LARGE1: variants seen among roughly 807,000 people sequenced by gnomAD.
The protein encoded by LARGE1 is xylosyl- and glucuronyltransferase LARGE1.
In LARGE1, 43 loss-of-function variants were observed where a neutral mutation model predicts 87.6. The observed-to-expected ratio is 0.49, with a 90% CI of 0.38 to 0.63. The LOEUF is 0.63. LARGE1 is among the 30% of genes least tolerant of loss of function. The pLI is 0.00. For synonymous variants in LARGE1, 434 were observed against 394.6 expected (o/e 1.10, Z -1.18); for missense variants, 802 against 1,000.2 (o/e 0.80, Z 2.67).
At chr22:33,299,434 T>C (rs1933843405) in intron 12 of LARGE1, among the ~76,000 whole-genome samples, 1 of 152,168 alleles carries the variant, frequency 6.6e-6, no homozygotes, top group Admixed American at 6.5e-5. Context: ...TGACACATAG[T>C]ACATGCTCAC....
chr22:33,601,707 A>C (rs1207308162), intron 5 of LARGE1, among the ~76,000 whole-genome samples: 2 of 152,222 alleles, frequency 1.3e-5, no homozygotes, highest in East Asian at 3.8e-4. Flanking sequence ...AGGTGTCAGG[A>C]AACTTTGATG....
intron 1 of LARGE1, among the ~76,000 whole-genome samples, chr22:33,843,090 C>A (rs138489740): frequency 1.3e-5 from 2 of 152,182 alleles, no homozygotes; most frequent in African/African-American, 4.8e-5. Flanking sequence ...TTCATCCTCA[C>A]AACCCAACCC....
chr22:33,891,974 T>C (rs575762950), intron 1 of LARGE1, among the ~76,000 whole-genome samples: 1 of 152,292 alleles, frequency 6.6e-6, no homozygotes, highest in African/African-American at 2.4e-5. Flanking sequence ...AAAAATGCCT[T>C]CTCAAAAGCC....
At chr22:33,641,315 G>T (rs1440310994) in intron 3 of LARGE1, among the ~76,000 whole-genome samples, 1 of 152,042 alleles carries the variant, frequency 6.6e-6, no homozygotes, top group African/African-American at 2.4e-5. Context: ...CTGTTAGAAG[G>T]AAAACTAACA....
chr22:33,140,372 C>T, the LARGE1 span, among the ~76,000 whole-genome samples: 2 of 152,186 alleles, frequency 1.3e-5, no homozygotes, highest in African/African-American at 2.4e-5. Flanking sequence ...GCTACAGTCT[C>T]TTGTTCTTAC....
intron 6 of LARGE1, among the ~76,000 whole-genome samples, chr22:33,539,732 A>AGGCATGTG (rs61655316): frequency 0.56 from 84,246 of 151,526 alleles, 23,799 homozygotes; most frequent in Admixed American, 0.65. Context: ...CTGGGACCAC[A>AGGCATGTG]CCCACCTGGC....
intron 10 of LARGE1, among the ~76,000 whole-genome samples, chr22:33,323,129 A>G (rs182126827): frequency 3.3e-5 from 5 of 151,900 alleles, no homozygotes; most frequent in Non-Finnish European, 7.4e-5. Context: ...CTCAAAAAAC[A>G]ACCACCACCA....
chr22:33,743,044 G>C (rs2083945516), intron 2 of LARGE1: 1 of 152,002 alleles, frequency 6.6e-6, no homozygotes, highest in African/African-American at 2.4e-5. Context: ...TGTTTAAAAA[G>C]CGTATGGCAC....
intron 6 of LARGE1, among the ~76,000 whole-genome samples, chr22:33,488,630 A>G (rs2069690125): frequency 6.6e-6 from 1 of 152,202 alleles, no homozygotes; most frequent in Admixed American, 6.5e-5. Context: ...AAAAATAAAG[A>G]CATTAAAAAG....
intron 2 of LARGE1, among the ~76,000 whole-genome samples, chr22:33,700,493 T>C: frequency 6.6e-6 from 1 of 152,140 alleles, no homozygotes; most frequent in East Asian, 1.9e-4. Context: ...TGGGATGACA[T>C]GAGGGCTGGC....
chr22:33,524,942 A>G (rs973413768), intron 6 of LARGE1, among the ~76,000 whole-genome samples: 3 of 152,236 alleles, frequency 2.0e-5, no homozygotes, highest in African/African-American at 7.2e-5. Flanking sequence ...GAGAGATTCC[A>G]GAGAATTGTC....
At chr22:33,616,078 C>A (rs900657365) in intron 4 of LARGE1, among the ~76,000 whole-genome samples, 1 of 152,082 alleles carries the variant, frequency 6.6e-6, no homozygotes, top group African/African-American at 2.4e-5. Context: ...TAAAATGAAG[C>A]AGCTGGTAGG....
intron 1 of LARGE1, among the ~76,000 whole-genome samples, chr22:33,835,166 A>T (rs2146362442): frequency 6.6e-6 from 1 of 152,368 alleles, no homozygotes; most frequent in African/African-American, 2.4e-5. Flanking sequence ...GCTTATGCAG[A>T]AATTATTATT....
chr22:33,793,652 C>T (rs112388856), intron 1 of LARGE1, among the ~76,000 whole-genome samples: 8 of 152,230 alleles, frequency 5.3e-5, no homozygotes, highest in African/African-American at 1.9e-4. Context: ...AGAGTCCCTC[C>T]TACCTCCCGC....
At chr22:33,463,894 G>A (rs977167128) in intron 6 of LARGE1, among the ~76,000 whole-genome samples, 37 of 152,074 alleles carry the variant, frequency 2.4e-4, no homozygotes, top group Non-Finnish European at 7.4e-5. Flanking sequence ...GGCTGGTCTC[G>A]AACTCCTGAC....
At chr22:33,651,012 T>C (rs532894394) in intron 2 of LARGE1, among the ~76,000 whole-genome samples, 120 of 150,698 alleles carry the variant, frequency 8.0e-4, no homozygotes, top group Middle Eastern at 3.4e-3. Flanking sequence ...AGTGGGCGGA[T>C]TGGGGAGAAA....
At chr22:33,298,687 T>C (rs376771308) in intron 12 of LARGE1, among the ~76,000 whole-genome samples, 1 of 151,866 alleles carries the variant, frequency 6.6e-6, no homozygotes, top group South Asian at 2.1e-4. Flanking sequence ...AAAAATTAGC[T>C]GGGCAAGGTG....
intron 2 of LARGE1, among the ~76,000 whole-genome samples, chr22:33,695,858 A>T (rs770845799): frequency 9.2e-5 from 14 of 152,206 alleles, no homozygotes; most frequent in African/African-American, 3.4e-4. Context: ...GTGATGAGGA[A>T]GTTCCCTCAA....
chr22:33,533,675 A>C (rs1003911495), intron 6 of LARGE1, among the ~76,000 whole-genome samples: 16 of 152,168 alleles, frequency 1.1e-4, no homozygotes, highest in African/African-American at 3.9e-4. Context: ...ATTTCTCATG[A>C]GTCTAAAGTC....
Sources: gnomAD v4.1 joint callset for allele counts (sites outside exome capture counted in the v4.1 genomes callset) on GRCh38, gnomAD v4.1.1 for gene constraint, MANE v1.5 for transcripts, NCBI Gene and HGNC (gene_info 2026-07-23, HGNC 2026-07-21) for gene names.